Variants in LSAMP observed in about 807,000 individuals in gnomAD.
The protein encoded by LSAMP is limbic system-associated membrane protein.
Under a neutral mutation model 38.6 loss-of-function variants are expected in LSAMP, and 7 were observed. The observed-to-expected ratio is 0.18, with a 90% CI of 0.10 to 0.34. LSAMP has a LOEUF of 0.34. LSAMP is among the 10% of genes least tolerant of loss of function. The probability of loss-of-function intolerance (pLI) is 1.00; values close to 1 mark genes in which losing one functional copy is unlikely to be tolerated. For missense variants in LSAMP, 313 were observed against 420.0 expected, an observed-to-expected ratio of 0.75 and a Z score of 2.23; for synonymous variants, 154 against 166.8, an observed-to-expected ratio of 0.92 and a Z score of 0.59.
chr3:116,105,177 G>GA (rs35932620), intron 1 of LSAMP, among the ~76,000 whole-genome samples: 31,441 of 143,436 alleles, frequency 0.22, 3,497 homozygotes, highest in African/African-American at 0.3. Context: ...TGACTAGGGG[G>GA]AAAAAAAAAA....
intron 1 of LSAMP, among the ~76,000 whole-genome samples, chr3:116,333,864 AAGCT>A (rs2107744537): frequency 6.6e-6 from 1 of 151,980 alleles, no homozygotes; most frequent in South Asian, 2.1e-4. Context: ...ATTAAATCCA[AAGCT>A]AGAAGAAAGA....
At position 116,113,405 on chromosome 3, in the gene LSAMP, TATATATA is replaced by T. The variant is rs1708662996; in HGVS notation, c.156-26856_156-26850del. ...ATTTTAGAAATATGTTTGCCCTATATATATATATATATATATTTTTTTTTTTTTTTTT... is the reference window on the plus strand; with the variant it reads ...ATTTTAGAAATATGTTTGCCCTATATTATATATATTTTTTTTTTTTTTTTT... On this transcript the variant is annotated intron_variant, in intron 1 of 6. Transcript: ENST00000490035. Among the ~76,000 whole-genome samples the T allele has an allele frequency of 2.8e-4, 18 of 64,434 alleles. 1 individual carries two copies. Among genetic ancestry groups the T allele is most frequent in the African/African-American group, 6.6e-4 (10 of 15,072 alleles). 42.3% of individuals were successfully genotyped at this position (64,434 alleles called of 152,430 possible).
chr3:115,978,471 T>A (rs1259860579), intron 3 of LSAMP, among the ~76,000 whole-genome samples: 1 of 151,966 alleles, frequency 6.6e-6, no homozygotes, highest in Admixed American at 6.6e-5. Context: ...AAACTATTCA[T>A]CAGTAATTTA....
At chr3:116,249,127 T>C (rs942738596) in intron 1 of LSAMP, among the ~76,000 whole-genome samples, 4 of 129,660 alleles carry the variant, frequency 3.1e-5, no homozygotes, top group African/African-American at 5.5e-5. Flanking sequence ...CCAGCCTGGG[T>C]GACAGAGCGA....
chr3:115,847,029 T>A (rs1935181847), intron 4 of LSAMP, among the ~76,000 whole-genome samples: 1 of 152,182 alleles, frequency 6.6e-6, no homozygotes, highest in Admixed American at 6.5e-5. Context: ...AAAGATCAAA[T>A]GAAATCAGTA....
At chr3:116,149,366 AAAG>A (rs1413276231) in intron 1 of LSAMP, among the ~76,000 whole-genome samples, 1 of 151,936 alleles carries the variant, frequency 6.6e-6, no homozygotes, top group East Asian at 1.9e-4. Flanking sequence ...CCCTGTGACT[AAAG>A]AAGCATTTGT....
intron 3 of LSAMP, among the ~76,000 whole-genome samples, chr3:116,019,295 T>A (rs1940572202): frequency 1.3e-5 from 2 of 152,034 alleles, no homozygotes; most frequent in African/African-American, 4.8e-5. Context: ...TTATAGAGAT[T>A]AACACGTTAG....
intron 2 of LSAMP, among the ~76,000 whole-genome samples, chr3:116,067,689 G>A (rs992219219): frequency 1.3e-5 from 2 of 152,000 alleles, no homozygotes; most frequent in Admixed American, 6.5e-5. Context: ...TTATTTTAAG[G>A]TGATGTAATA....
At chr3:116,007,307 G>A (rs951156527) in intron 3 of LSAMP, among the ~76,000 whole-genome samples, 1 of 151,896 alleles carries the variant, frequency 6.6e-6, no homozygotes, top group Non-Finnish European at 1.5e-5. Flanking sequence ...TTGCCAAGGA[G>A]TTTGCTTCTC....
chr3:116,292,142 C>T (rs1288868828), intron 1 of LSAMP, among the ~76,000 whole-genome samples: 3 of 152,142 alleles, frequency 2.0e-5, no homozygotes, highest in Non-Finnish European at 4.4e-5. Flanking sequence ...TTATTTATTT[C>T]ATTTCTGCAG....
chr3:116,197,909 A>G (rs981667003), intron 1 of LSAMP, among the ~76,000 whole-genome samples: 8 of 152,114 alleles, frequency 5.3e-5, no homozygotes, highest in Non-Finnish European at 2.9e-5. Context: ...AGATATAAAT[A>G]TATATGACAT....
chr3:116,105,473 T>C (rs897099753), intron 1 of LSAMP, among the ~76,000 whole-genome samples: 8 of 150,890 alleles, frequency 5.3e-5, no homozygotes, highest in Non-Finnish European at 7.4e-5. Context: ...CGAAGGGAGG[T>C]AGGGGTGGGG....
intron 2 of LSAMP, among the ~76,000 whole-genome samples, chr3:116,047,144 T>C (rs908091157): frequency 2.6e-5 from 4 of 152,106 alleles, no homozygotes; most frequent in Admixed American, 2.6e-4. Context: ...AAGAAAATCC[T>C]CCACAAGCCA....
At chr3:115,851,716 C>G (rs576061931) in intron 4 of LSAMP, among the ~76,000 whole-genome samples, 89 of 152,270 alleles carry the variant, frequency 5.8e-4, no homozygotes, top group African/African-American at 2.1e-3. Flanking sequence ...CTGACACTAG[C>G]CACAGCTGTG....
At chr3:116,331,961 C>T (rs1412057204) in intron 1 of LSAMP, among the ~76,000 whole-genome samples, 1 of 151,996 alleles carries the variant, frequency 6.6e-6, no homozygotes, top group Non-Finnish European at 1.5e-5. Context: ...CCTCAGCCTC[C>T]CAAGTAGCTG....
At chr3:115,874,723 C>T (rs999227035) in intron 3 of LSAMP, among the ~76,000 whole-genome samples, 1 of 152,012 alleles carries the variant, frequency 6.6e-6, no homozygotes, top group African/African-American at 2.4e-5. Context: ...TTATTTAAGC[C>T]TAAGTTATAA....
intron 1 of LSAMP, among the ~76,000 whole-genome samples, chr3:116,348,984 G>A (rs1026684725): frequency 3.3e-5 from 5 of 152,066 alleles, no homozygotes; most frequent in Non-Finnish European, 5.9e-5. Context: ...CAGACTGATG[G>A]AATTTCAATC....
rs146217044 is a variant in LSAMP at position 116,055,298 on chromosome 3, G to A, written c.388+31026C>T. Among the ~76,000 whole-genome samples, 285 of 152,308 alleles carry A rather than the reference G, an allele frequency of 1.9e-3. 1 individual carries two copies. The highest frequency in any genetic ancestry group is 1.5e-3 in the Non-Finnish European group (104 of 68,036). ...TGCACAGTGGTACACTAGGGATACC[G>A]TGATAGTAACATGCCACCTGAAGCC... On this transcript the variant is annotated intron_variant, in intron 2 of 6. Transcript: ENST00000490035.
chr3:116,255,827 C>A (rs560914600), intron 1 of LSAMP, among the ~76,000 whole-genome samples: 1 of 152,172 alleles, frequency 6.6e-6, no homozygotes, highest in African/African-American at 2.4e-5. Flanking sequence ...CCAGGAAAAA[C>A]AAAAACGTGT....
Sources: gnomAD v4.1 joint callset for allele counts (sites outside exome capture counted in the v4.1 genomes callset) on GRCh38, gnomAD v4.1.1 for gene constraint, MANE v1.5 for transcripts, NCBI Gene and HGNC (gene_info 2026-07-23, HGNC 2026-07-21) for gene names.